CSNK1G1: variants seen among roughly 807,000 people sequenced by gnomAD.
The protein encoded by CSNK1G1 is casein kinase 1 gamma 1.
CSNK1G1 carries 22 observed loss-of-function variants against 59.6 expected under a neutral mutation model. That is an observed-to-expected ratio of 0.37 (90% CI 0.26 to 0.53). The LOEUF (loss-of-function observed/expected upper bound fraction) is 0.53. Among genes scored for constraint, CSNK1G1 ranks in the 20% least tolerant of loss-of-function variants. The pLI, the probability that CSNK1G1 is intolerant of heterozygous loss-of-function variation, is 0.89. For synonymous variants in CSNK1G1, 179 were observed against 177.1 expected, an observed-to-expected ratio of 1.01 and a Z score of -0.08; for missense variants, 384 against 519.5, an observed-to-expected ratio of 0.74 and a Z score of 2.54.
At chr15:64,343,770 C>G (rs1897802858) in intron 1 of CSNK1G1, among the ~76,000 whole-genome samples, 1 of 150,618 alleles carries the variant, frequency 6.6e-6, no homozygotes, top group Non-Finnish European at 1.5e-5. Context: ...AATATAGAAG[C>G]TGAAGATATA....
chr15:64,338,716 A>AC (rs1243278780), intron 1 of CSNK1G1, among the ~76,000 whole-genome samples: 1 of 136,218 alleles, frequency 7.3e-6, no homozygotes, highest in Non-Finnish European at 1.6e-5. Flanking sequence ...AAAAAAAAAA[A>AC]AAAAAAAAAA....
At chr15:64,334,320 A>G (rs1566951564) in intron 1 of CSNK1G1, among the ~76,000 whole-genome samples, 1 of 152,180 alleles carries the variant, frequency 6.6e-6, no homozygotes, top group East Asian at 1.9e-4. Context: ...GCCCAGCCTA[A>G]AATCTTTTAT....
chr15:64,243,276 C>T (rs1196931562), intron 4 of CSNK1G1, among the ~76,000 whole-genome samples: 1 of 151,980 alleles, frequency 6.6e-6, no homozygotes, highest in East Asian at 1.9e-4. Flanking sequence ...GCAGAGGTTG[C>T]AGTGAGCCAA....
At position 64,168,632 on chromosome 15, in the gene CSNK1G1, A is replaced by T. The variant is rs186848407; in HGVS notation, c.*3299T>A. 2.0e-5 allele frequency: 3 copies of T among 152,378 alleles called. No individual in the cohort carries two copies. The highest frequency in any genetic ancestry group is 2.0e-4 in the Admixed American group (3 of 15,306). The allele number at this position is 152,378 out of a possible 1,614,324, so 9.4% of individuals were successfully genotyped here. ...CTAAAGAAAAAGATCGTTAGGCACC[A>T]TACTTGTGAAATGGAGAAAGCTCAG... On this transcript the variant is annotated 3_prime_UTR_variant, in exon 12 of 12. Transcript: ENST00000303052.
intron 1 of CSNK1G1, among the ~76,000 whole-genome samples, chr15:64,331,867 A>G (rs1897128165): frequency 1.3e-5 from 2 of 149,078 alleles, no homozygotes; most frequent in Admixed American, 1.3e-4. Context: ...GGCGAAGGAC[A>G]TGAACAGACA....
At position 64,200,518 on chromosome 15, in the gene CSNK1G1, A is replaced by T. The variant is rs1001787065; in HGVS notation, c.1107+2564T>A. 6.6e-6 allele frequency among the ~76,000 whole-genome samples: 1 copy of T among 151,844 alleles called. No homozygotes were observed. Among genetic ancestry groups the T allele is most frequent in the Non-Finnish European group, 1.5e-5 (1 of 67,958 alleles). On this transcript the variant is annotated intron_variant, in intron 10 of 11. Transcript: ENST00000303052. This position sits in a 1 kb window ranked among gnomAD's most constrained non-coding sequence, Gnocchi z 4.3. ...GTGCCACCACACCCAGCTAATTTTT[A>T]TATTTTTAGTAGAGACAGGGTTTCA...
rs57572355 is a variant in CSNK1G1, at chr15:64,299,453, G to C, written c.181+866C>G. On this transcript the variant is annotated intron_variant, in intron 2 of 11. Coordinates refer to ENST00000303052, the MANE Select transcript of CSNK1G1 (RefSeq NM_022048.5). ...AATACAAAAACAAAATTAGCCGGGC[G>C]TGGTGGCGGATGCCTGTAGTCCCAG... Among the ~76,000 whole-genome samples, 1,052 of 152,100 alleles carry C rather than the reference G, an allele frequency of 6.9e-3. 11 individuals are homozygous for C. The highest frequency in any genetic ancestry group is 0.017 in the African/African-American group (707 of 41,494).
chr15:64,258,559 C>T (rs1018274926), intron 3 of CSNK1G1, among the ~76,000 whole-genome samples: 7 of 151,870 alleles, frequency 4.6e-5, no homozygotes, highest in Non-Finnish European at 2.9e-5. Flanking sequence ...ACTAGTCATA[C>T]GAAACATTTC....
intron 10 of CSNK1G1, chr15:64,181,571 A>G (rs2081814169): frequency 2.4e-6 from 2 of 823,094 alleles, no homozygotes; most frequent in African/African-American, 1.8e-5. Flanking sequence ...ACTGTCTAGT[A>G]TAATACCTAG....
chr15:64,339,379 C>T (rs1897572408), intron 1 of CSNK1G1, among the ~76,000 whole-genome samples: 1 of 152,162 alleles, frequency 6.6e-6, no homozygotes. Context: ...GTGGCACAAT[C>T]TCCGCTCACT....
At chr15:64,207,260 G>A (rs1208283894) in intron 7 of CSNK1G1, among the ~76,000 whole-genome samples, 4 of 152,112 alleles carry the variant, frequency 2.6e-5, no homozygotes, top group African/African-American at 4.8e-5. Context: ...TCCTTTTTGT[G>A]TGTTGTTTTA....
intron 9 of CSNK1G1, among the ~76,000 whole-genome samples, chr15:64,203,444 TC>T (rs1344351957): frequency 6.6e-6 from 1 of 152,020 alleles, no homozygotes; most frequent in Non-Finnish European, 1.5e-5. Flanking sequence ...GTGCCTGTAA[TC>T]TCAGCACTTT....
intron 2 of CSNK1G1, among the ~76,000 whole-genome samples, chr15:64,260,936 C>T (rs138315888): frequency 1.3e-5 from 2 of 152,142 alleles, no homozygotes; most frequent in African/African-American, 4.8e-5. Context: ...AAAAAGAAGA[C>T]TAACAGGTTG....
At chr15:64,274,661 G>C (rs1893508340) in intron 2 of CSNK1G1, among the ~76,000 whole-genome samples, 1 of 152,182 alleles carries the variant, frequency 6.6e-6, no homozygotes, top group African/African-American at 2.4e-5. Flanking sequence ...CAAAGCAGCA[G>C]TCCTGGATGT....
In CSNK1G1 at chr15:64,279,025, A is replaced by G. The variant is rs893009845; in HGVS notation, c.182-19784T>C. ...GCAGCTCCACCTAAGTGGTATGAAG[A>G]TCACTGACATACACTGTTAACATCA... On this transcript the variant is annotated intron_variant, in intron 2 of 11. Transcript: ENST00000303052. 5.3e-5 allele frequency among the ~76,000 whole-genome samples: 8 copies of G among 152,352 alleles called. No individual in the cohort carries two copies. The South Asian group carries it at 6.2e-4, about 12-fold the overall frequency.
At chr15:64,247,652 G>A (rs1891829050) in intron 4 of CSNK1G1, among the ~76,000 whole-genome samples, 1 of 152,110 alleles carries the variant, frequency 6.6e-6, no homozygotes, top group Admixed American at 6.5e-5. Flanking sequence ...ATTACCCAGT[G>A]CTGTCATTTT....
At chr15:64,287,342 T>C (rs1443328351) in intron 2 of CSNK1G1, among the ~76,000 whole-genome samples, 1 of 152,212 alleles carries the variant, frequency 6.6e-6, no homozygotes, top group Non-Finnish European at 1.5e-5. Flanking sequence ...AAAGTTACCA[T>C]AAACTTTTGG....
intron 10 of CSNK1G1, among the ~76,000 whole-genome samples, chr15:64,196,130 T>C (rs189729762): frequency 3.9e-5 from 6 of 152,086 alleles, no homozygotes; most frequent in African/African-American, 1.2e-4. Context: ...GGTGGGAGGA[T>C]TGCTTGAGCC....
Position 64,214,127 on chromosome 15 carries a change from G to A in CSNK1G1, c.445-3C>T. On this transcript the variant is annotated splice_polypyrimidine_tract_variant and splice_region_variant and intron_variant, in intron 5 of 11. Coordinates refer to ENST00000303052, the MANE Select transcript of CSNK1G1 (RefSeq NM_022048.5). This position sits in a 1 kb window ranked among gnomAD's most constrained non-coding sequence, Gnocchi z 4.3. ...TGCACGTATTCCATTCGAGAAAGCT[G>A]AAAGAGAAACAAATGATAGAAAGAC... The A allele has an allele frequency of 6.3e-7, 1 of 1,596,480 alleles. No homozygotes were observed. The highest frequency in any genetic ancestry group is 8.6e-7 in the Non-Finnish European group (1 of 1,164,214).
Sources: gnomAD v4.1 joint callset for allele counts (sites outside exome capture counted in the v4.1 genomes callset) on GRCh38, gnomAD v4.1.1 for gene constraint, Gnocchi (gnomAD v3.1) non-coding constraint, MANE v1.5 for transcripts, NCBI Gene and HGNC (gene_info 2026-07-23, HGNC 2026-07-21) for gene names.